The following TIMM9 variants were observed in gnomAD, a reference collection of about 807,000 sequenced individuals.
TIMM9 encodes translocase of inner mitochondrial membrane 9, also known as mitochondrial import inner membrane translocase subunit Tim9.
Under a neutral mutation model 13.4 loss-of-function variants are expected in TIMM9, and 10 were observed. The observed-to-expected ratio is 0.75, with a 90% CI of 0.46 to 1.26. The LOEUF (loss-of-function observed/expected upper bound fraction) is 1.26. TIMM9 is among the 50% of genes most tolerant of loss of function. The probability of loss-of-function intolerance (pLI) is 0.00; values close to 1 mark genes in which losing one functional copy is unlikely to be tolerated. For missense variants in TIMM9, 87 were observed against 100.8 expected (o/e 0.86, Z 0.58); for synonymous variants, 32 against 32.1 (o/e 1.00, Z 0.01).
intron 3 of TIMM9, among the ~76,000 whole-genome samples, chr14:58,419,638 G>C (rs1403965911): frequency 6.6e-6 from 1 of 152,080 alleles, no homozygotes; most frequent in African/African-American, 2.4e-5. Flanking sequence ...AGGCATGGTG[G>C]CTCATGCCTG....
intron 2 of TIMM9, among the ~76,000 whole-genome samples, chr14:58,426,797 T>C (rs2140358569): frequency 6.6e-6 from 1 of 152,228 alleles, no homozygotes; most frequent in East Asian, 1.9e-4. Flanking sequence ...TAATTCAGTG[T>C]CCCAAAACAG....
At chr14:58,409,281 G>T in intron 5 of TIMM9, 113 bp from the exon 6 acceptor site, 6 of 1,169,360 alleles carry the variant, frequency 5.1e-6, no homozygotes, top group African/African-American at 1.6e-5. Flanking sequence ...ATATATCTGA[G>T]AATTAAATAG....
intron 3 of TIMM9, among the ~76,000 whole-genome samples, chr14:58,421,289 A>T (rs2036581552): frequency 6.6e-6 from 1 of 152,256 alleles, no homozygotes; most frequent in Non-Finnish European, 1.5e-5. Context: ...ACATTCTTGA[A>T]ATAACAGAAT....
At position 58,411,246 on chromosome 14, in the gene TIMM9, G is replaced by A. The variant is rs763837698; in HGVS notation, c.40-308C>T. Reference sequence around the variant, plus strand: ...GCGGATTACCTGAGGTCAGGAGTTCGAGACCAGCCTGGCCAACATGGTGAA... The same window carrying A: ...GCGGATTACCTGAGGTCAGGAGTTCAAGACCAGCCTGGCCAACATGGTGAA... On this transcript the variant is annotated intron_variant, in intron 4 of 5. Transcript: ENST00000395159. Among the ~76,000 whole-genome samples, 5 of 152,112 alleles carry A rather than the reference G, an allele frequency of 3.3e-5. No individual in the cohort carries two copies. The South Asian group carries it at 6.2e-4, about 19-fold the overall frequency.
chr14:58,423,274 T>C (rs1371925492), intron 3 of TIMM9, among the ~76,000 whole-genome samples: 4 of 151,568 alleles, frequency 2.6e-5, no homozygotes, highest in Admixed American at 6.6e-5. Context: ...TCCCAGCACA[T>C]TGGGAGGCCA....
chr14:58,411,312 G>A (rs917899392), intron 4 of TIMM9, among the ~76,000 whole-genome samples: 1 of 151,900 alleles, frequency 6.6e-6, no homozygotes, highest in Non-Finnish European at 1.5e-5. Flanking sequence ...GCCAGGCGTG[G>A]TGGCGCATGC....
intron 3 of TIMM9, among the ~76,000 whole-genome samples, chr14:58,416,837 G>A (rs1395580900): frequency 6.6e-6 from 1 of 152,156 alleles, no homozygotes; most frequent in South Asian, 2.1e-4. Context: ...GCCAGGTGTC[G>A]TGGCTCATGC....
chr14:58,414,008 G>GGAAA (rs755857225), intron 3 of TIMM9, among the ~76,000 whole-genome samples: 2 of 24,180 alleles, frequency 8.3e-5, no homozygotes, highest in Admixed American at 1.0e-3. Flanking sequence ...TTCCGTCTCA[G>GGAAA]AAAAAAAAAA....
At chr14:58,418,668 T>C (rs2036491814) in intron 3 of TIMM9, among the ~76,000 whole-genome samples, 1 of 152,022 alleles carries the variant, frequency 6.6e-6, no homozygotes, top group Non-Finnish European at 1.5e-5. Context: ...AATGAACACA[T>C]GTATACTGAA....
intron 4 of TIMM9, 27 bp from the exon 5 acceptor site, chr14:58,410,965 G>A (rs1335509125): frequency 6.5e-7 from 1 of 1,537,672 alleles, no homozygotes; most frequent in Non-Finnish European, 8.8e-7. Flanking sequence ...ATGTTCTTTA[G>A]TATTTGGTTT....
chr14:58,412,145 A>AT, intron 3 of TIMM9, 174 bp from the exon 4 acceptor site: 1 of 509,160 alleles, frequency 2.0e-6, no homozygotes, highest in Non-Finnish European at 3.5e-6. Context: ...TGAGAATTAG[A>AT]TTTTCTTTTT....
Position 58,411,904 on chromosome 14 carries a change from T to C in TIMM9, c.39+3A>G, listed in dbSNP as rs548500715. ...TCTTTTCCCCTTAATTAGAATACCT[T>C]ACCTGTTTTATCTGATCAGATTCTG... On this transcript the variant is annotated splice_donor_region_variant and intron_variant, in intron 4 of 5. Transcript: ENST00000395159. The C allele has an allele frequency of 1.9e-5, 30 of 1,613,588 alleles. No homozygotes were observed. The highest frequency in any genetic ancestry group is 1.2e-4 in the Admixed American group (7 of 60,002).
chr14:58,413,243 A>G (rs2036279859), intron 3 of TIMM9, among the ~76,000 whole-genome samples: 1 of 152,200 alleles, frequency 6.6e-6, no homozygotes. Flanking sequence ...TATTGTTGAA[A>G]AAGTAGATTC....
intron 3 of TIMM9, among the ~76,000 whole-genome samples, chr14:58,414,745 A>AAG (rs1230105123): frequency 4.6e-5 from 7 of 151,034 alleles, no homozygotes; most frequent in African/African-American, 1.7e-4. Flanking sequence ...TCAAAAAAAA[A>AAG]AAAAAAGAAA....
chr14:58,414,008 G>GAAAAAA (rs10656955), intron 3 of TIMM9, among the ~76,000 whole-genome samples: 1,088 of 24,170 alleles, frequency 0.045, 382 homozygotes, highest in Middle Eastern at 0.1. Flanking sequence ...TTCCGTCTCA[G>GAAAAAA]AAAAAAAAAA....
rs531795724 is a variant in TIMM9, at chr14:58,410,866, T to A, written c.112A>T (p.Thr38Ser). Residue 38 changes from threonine to serine, a missense_variant, in exon 5 of 6, where the codon ACA becomes TCA. Physicochemically the swap from Thr to Ser is moderately conservative, Grantham distance 58. Coordinates refer to ENST00000395159, the MANE Select transcript of TIMM9 (RefSeq NM_012460.4). ...ACCTCTTCAGGTTTTACTTCTCTTG[T>A]TGTGAAGTCTTTAACACAGTCCAAA... ...CFLDCVKDFT[T>S]REVKPEETTC... is the part of the protein sequence containing the mutation. 9 of 1,610,182 alleles carry A rather than the reference T, an allele frequency of 5.6e-6. No homozygotes were observed. In the South Asian group the frequency reaches 8.9e-5, roughly 16 times the overall value.
chr14:58,410,796 G>C, intron 5 of TIMM9, 47 bp downstream of exon 5: 1 of 1,299,368 alleles, frequency 7.7e-7, no homozygotes, highest in Non-Finnish European at 1.1e-6. Flanking sequence ...CCTACTTAGA[G>C]TGTTTATGAA....
chr14:58,426,967 G>C (rs1285487508), intron 2 of TIMM9, 87 bp downstream of exon 2: 1 of 152,794 alleles, frequency 6.5e-6, no homozygotes, highest in Non-Finnish European at 1.5e-5. Context: ...CGGCCTCCTC[G>C]GGAGACCCCG....
At chr14:58,412,003 T>C in intron 3 of TIMM9, 32 bp from the exon 4 acceptor site, 1 of 1,523,464 alleles carries the variant, frequency 6.6e-7, no homozygotes, top group Non-Finnish European at 9.1e-7. Flanking sequence ...AGTTTGTCAA[T>C]CTATAAACAA....
Sources: allele counts gnomAD v4.1 joint callset (sites outside exome capture counted in the v4.1 genomes callset), GRCh38; gene constraint gnomAD v4.1.1; transcripts MANE v1.5; gene names NCBI Gene and HGNC (gene_info 2026-07-23, HGNC 2026-07-21).